The following CCNY variants were observed in gnomAD, a reference collection of about 807,000 sequenced individuals.
CCNY encodes cyclin-Y.
Under a neutral mutation model 42.8 loss-of-function variants are expected in CCNY, and 19 were observed. That is an observed-to-expected ratio of 0.44 (90% CI 0.31 to 0.65). The LOEUF (loss-of-function observed/expected upper bound fraction) is 0.65. Ranked by LOEUF, CCNY falls within the 30% of genes least tolerant of loss-of-function variation. CCNY has a pLI of 0.07. For missense variants in CCNY, 370 were observed against 437.3 expected (o/e 0.85, Z 1.37); for synonymous variants, 165 against 162.7 (o/e 1.01, Z -0.11).
intron 8 of CCNY, among the ~76,000 whole-genome samples, chr10:35,564,805 T>A (rs998141606): frequency 2.4e-4 from 36 of 152,340 alleles, no homozygotes; most frequent in Non-Finnish European, 3.7e-4. Flanking sequence ...CTCACCTCAG[T>A]TCAGCTCTCA....
chr10:35,503,258 CCT>C (rs1840147641), intron 3 of CCNY, among the ~76,000 whole-genome samples: 1 of 152,204 alleles, frequency 6.6e-6, no homozygotes, highest in Non-Finnish European at 1.5e-5. Flanking sequence ...AGCATTCAAA[CCT>C]CTGTAAAATC....
At chr10:35,550,843 G>T (rs1037052907) in intron 7 of CCNY, among the ~76,000 whole-genome samples, 2 of 151,926 alleles carry the variant, frequency 1.3e-5, no homozygotes, top group African/African-American at 4.8e-5. Flanking sequence ...CCAGTCTCAG[G>T]ACCAGCCCCT....
chr10:35,555,336 C>G (rs1841342483), intron 8 of CCNY, among the ~76,000 whole-genome samples: 1 of 152,086 alleles, frequency 6.6e-6, no homozygotes, highest in Non-Finnish European at 1.5e-5. Flanking sequence ...TTTAATTTTT[C>G]CTTCTCTCTT....
intron 9 of CCNY, among the ~76,000 whole-genome samples, chr10:35,566,592 C>T (rs1199608453): frequency 3.3e-5 from 5 of 152,124 alleles, no homozygotes; most frequent in Admixed American, 6.5e-5. Context: ...ATCTGCCTGC[C>T]TTGGCCTCCC....
intron 3 of CCNY, among the ~76,000 whole-genome samples, chr10:35,267,494 C>T (rs1025670762): frequency 1.3e-5 from 2 of 152,156 alleles, no homozygotes; most frequent in East Asian, 3.8e-4. Context: ...GTGGAGCTGT[C>T]ACCCCGTTCT....
rs2135407909 is a variant in CCNY, at chr10:35,516,600, A to C, written c.342A>C (p.Pro114=). 6.2e-7 allele frequency: 1 copy of C among 1,609,614 alleles called. No homozygotes were observed. Among genetic ancestry groups the C allele is most frequent in the East Asian group, 2.2e-5 (1 of 44,796 alleles). Residue 114 remains proline (P), a synonymous_variant, in exon 4 of 10, where the codon CCA becomes CCC. Coordinates refer to ENST00000374704, the MANE Select transcript of CCNY (RefSeq NM_145012.6). ...IFLDDSTVSQ[P]NLKYTIKCVA... ...TAGATGATAGCACAGTCAGTCAACC[A>C]AACCTCAAGTATACAATTAAATGGT...
At chr10:35,398,300 A>T (rs769222200) in intron 1 of CCNY, among the ~76,000 whole-genome samples, 1 of 152,248 alleles carries the variant, frequency 6.6e-6, no homozygotes, top group Non-Finnish European at 1.5e-5. Flanking sequence ...TGCCAGAGAC[A>T]TGGAAGTGGC....
chr10:35,467,926 G>A (rs773570165), intron 1 of CCNY, among the ~76,000 whole-genome samples: 27 of 152,192 alleles, frequency 1.8e-4, no homozygotes, highest in Non-Finnish European at 3.2e-4. Context: ...GATTTCCTCA[G>A]ATCTGTTTTT....
intron 7 of CCNY, among the ~76,000 whole-genome samples, chr10:35,546,004 C>G (rs879687418): frequency 5.3e-5 from 8 of 152,092 alleles, no homozygotes; most frequent in Non-Finnish European, 1.0e-4. Flanking sequence ...GTAGCTACCC[C>G]CATTCCCTCA....
intron 3 of CCNY, among the ~76,000 whole-genome samples, chr10:35,251,573 C>T (rs997239537): frequency 6.1e-5 from 9 of 148,722 alleles, no homozygotes; most frequent in Non-Finnish European, 1.0e-4. Flanking sequence ...CCCTAGCAAG[C>T]AATCCTTCAA....
At chr10:35,274,748 G>A (rs1448471651) in intron 3 of CCNY, among the ~76,000 whole-genome samples, 1 of 152,162 alleles carries the variant, frequency 6.6e-6, no homozygotes, top group Non-Finnish European at 1.5e-5. Context: ...CATGTGAATG[G>A]AAACTGCTTC....
chr10:35,429,647 C>T (rs974693573), intron 1 of CCNY, among the ~76,000 whole-genome samples: 3 of 152,242 alleles, frequency 2.0e-5, no homozygotes, highest in Non-Finnish European at 4.4e-5. Context: ...TGTACTGTAA[C>T]GTCCCTAGTT....
chr10:35,258,147 T>C (rs2095716926), intron 3 of CCNY, among the ~76,000 whole-genome samples: 1 of 152,032 alleles, frequency 6.6e-6, no homozygotes, highest in Non-Finnish European at 1.5e-5. Flanking sequence ...GGCGACAGAG[T>C]GAGACTCTGT....
At chr10:35,284,596 G>A (rs539108022) in intron 3 of CCNY, among the ~76,000 whole-genome samples, 48 of 151,774 alleles carry the variant, frequency 3.2e-4, no homozygotes, top group African/African-American at 9.2e-4. Flanking sequence ...TTCTTTTTTC[G>A]TTTATTTTCA....
chr10:35,331,871 G>A (rs1220881356), upstream of CCNY, among the ~76,000 whole-genome samples: 1 of 152,204 alleles, frequency 6.6e-6, no homozygotes, highest in Non-Finnish European at 1.5e-5. Flanking sequence ...CTCAGTGGCT[G>A]TAATCACTCT....
chr10:35,567,199 T>C lies in CCNY; in HGVS notation c.909+1014T>C, dbSNP rs191903798. On this transcript the variant is annotated intron_variant, in intron 9 of 9. Coordinates refer to ENST00000374704, the MANE Select transcript of CCNY (RefSeq NM_145012.6). ...TCCAAAAAGATTTGATTCTGCTTTT[T>C]ATTTTTTTTCCAAAATACCTTTTCC... is the stretch of plus-strand genomic sequence containing the variant. Among the ~76,000 whole-genome samples the C allele has an allele frequency of 4.9e-3, 750 of 152,378 alleles. 4 individuals carry two copies. The highest frequency in any genetic ancestry group is 7.2e-3 in the Non-Finnish European group (491 of 68,040).
At chr10:35,315,995 ATAAGTG>A (rs1564366821) in intron 3 of CCNY, among the ~76,000 whole-genome samples, 1 of 152,204 alleles carries the variant, frequency 6.6e-6, no homozygotes. Context: ...TCTATCCCAT[ATAAGTG>A]TAATTGTCTT....
Position 35,406,238 on chromosome 10 carries a change from TTTA to T in CCNY, c.154+69034_154+69036del, listed in dbSNP as rs200939006. Among the ~76,000 whole-genome samples the T allele has an allele frequency of 2.2e-3, 320 of 148,542 alleles. 1 individual carries two copies. Among genetic ancestry groups the T allele is most frequent in the African/African-American group, 7.5e-3 (303 of 40,532 alleles). On this transcript the variant is annotated intron_variant, in intron 1 of 9. Coordinates refer to ENST00000374704, the MANE Select transcript of CCNY (RefSeq NM_145012.6). Reference sequence around the variant, plus strand: ...ATTTATTTATTTATTTATTTATTTATTTATTTTTTTATTGATCATTCTTGGGTG... The same window carrying T: ...ATTTATTTATTTATTTATTTATTTATTTTTTTTATTGATCATTCTTGGGTG...
At chr10:35,263,356 C>CAAAAAAAAAAAAAAAAA (rs71523372) in intron 3 of CCNY, among the ~76,000 whole-genome samples, 1 of 44,298 alleles carries the variant, frequency 2.3e-5, no homozygotes, top group Non-Finnish European at 4.1e-5. Context: ...GACTCCGTCT[C>CAAAAAAAAAAAAAAAAA]AAAAAAAAAA....
Sources: allele counts gnomAD v4.1 joint callset (sites outside exome capture counted in the v4.1 genomes callset), GRCh38; gene constraint gnomAD v4.1.1; transcripts MANE v1.5; gene names NCBI Gene and HGNC (gene_info 2026-07-23, HGNC 2026-07-21).